Variants in TMEM40 observed in about 807,000 individuals in gnomAD.
The protein encoded by TMEM40 is transmembrane protein 40.
Under a neutral mutation model 40.8 loss-of-function variants are expected in TMEM40, and 34 were observed. The ratio of observed to expected loss-of-function variants is 0.83; its 90% CI spans 0.63 to 1.11. The LOEUF (loss-of-function observed/expected upper bound fraction) is 1.11. TMEM40 is among the 50% of genes least tolerant of loss of function. TMEM40 has a pLI of 0.00. For missense variants in TMEM40, 296 were observed against 280.2 expected, an observed-to-expected ratio of 1.06 and a Z score of -0.40; for synonymous variants, 106 against 107.0, an observed-to-expected ratio of 0.99 and a Z score of 0.06.
In TMEM40 at chr3:12,735,603, T is replaced by C; in HGVS notation, c.634A>G (p.Ser212Gly). ...IYFGLVYRIHSVLQGFIPLFQ... is the reference protein window; with the variant it reads ...IYFGLVYRIHGVLQGFIPLFQ... ...AGGGGGATGAAGCCTTGGAGGACGC[T>C]GTGGATACGGTACACTGCTCAGAAG... is the stretch of plus-strand genomic sequence containing the variant. The change falls in exon 11 of 12, where the codon AGC becomes GGC. Residue 212 changes from serine to glycine, a missense_variant. Transcript: ENST00000314124. 1 of 1,613,520 alleles carries C rather than the reference T, an allele frequency of 6.2e-7. No homozygotes were observed. Among genetic ancestry groups the C allele is most frequent in the Non-Finnish European group, 8.5e-7 (1 of 1,179,856 alleles).
intron 8 of TMEM40, among the ~76,000 whole-genome samples, chr3:12,737,041 G>A (rs1242332952): frequency 6.6e-6 from 1 of 152,048 alleles, no homozygotes; most frequent in Non-Finnish European, 1.5e-5. Context: ...ACCACACCCA[G>A]CAAATTTTTA....
At position 12,748,689 on chromosome 3, in the gene TMEM40, TGAGGAGGAA is replaced by T; in HGVS notation, c.168_176del (p.Ser68_Ser70del). On this transcript the variant is annotated inframe_deletion, in exon 3 of 12. Transcript: ENST00000314124. ...AGGAGGATGAAGAAGATGAGGAGGATGAGGAGGAAGAGGAGGAGGAGGAAGAAGACTTGT... is the reference window on the plus strand; with the variant it reads ...AGGAGGATGAAGAAGATGAGGAGGATGAGGAGGAGGAGGAAGAAGACTTGT... 6.2e-7 allele frequency: 1 copy of T among 1,612,836 alleles called. No individual in the cohort carries two copies.
intron 1 of TMEM40, among the ~76,000 whole-genome samples, chr3:12,753,148 G>A (rs1288161464): frequency 6.7e-6 from 1 of 149,386 alleles, no homozygotes; most frequent in Non-Finnish European, 1.5e-5. Context: ...TCCTTTCAAT[G>A]TCCTTGTCTA....
Position 12,734,531 on chromosome 3 carries a change from G to A in TMEM40, c.*243C>T. 1 of 530,080 alleles carries A rather than the reference G, an allele frequency of 1.9e-6. No individual in the cohort carries two copies. Among genetic ancestry groups the A allele is most frequent in the Non-Finnish European group, 3.4e-6 (1 of 293,538 alleles). The allele number at this position is 530,080 out of a possible 1,614,324, so 32.8% of individuals were successfully genotyped here. A position where few individuals can be genotyped will look rare whatever the true frequency, so the allele number is the denominator to read the frequency against. On this transcript the variant is annotated 3_prime_UTR_variant, in exon 12 of 12. Coordinates refer to ENST00000314124, the MANE Select transcript of TMEM40 (RefSeq NM_018306.4). ...TGGTCCAGGTACTGTGAAGCCTCAG[G>A]CCCCACACCCACCCTCTGCCTTCCA...
At chr3:12,749,952 AAG>A (rs1248887233) in intron 1 of TMEM40, 112 bp from the exon 2 acceptor site, 1 of 1,056,242 alleles carries the variant, frequency 9.5e-7, no homozygotes, top group Non-Finnish European at 1.4e-6. Context: ...TCAAAGGAAT[AAG>A]AAAAATAATT....
chr3:12,737,183 T>C (rs970704721), intron 8 of TMEM40, among the ~76,000 whole-genome samples: 1 of 142,992 alleles, frequency 7.0e-6, no homozygotes, highest in South Asian at 2.2e-4. Context: ...CCTGGCCTCT[T>C]TTTTTTTTTT....
upstream of TMEM40, among the ~76,000 whole-genome samples, chr3:12,763,502 C>A (rs1325364305): frequency 2.0e-5 from 3 of 152,166 alleles, no homozygotes; most frequent in African/African-American, 7.2e-5. Context: ...CTCCTACTGT[C>A]CTGTGAGCAC....
At position 12,733,639 on chromosome 3, in the gene TMEM40, T is replaced by C. The variant is rs2061316426; in HGVS notation, c.*1135A>G. The stretch of plus-strand genomic sequence containing the variant: ...GTACTTGAAATCAAAACCTCAGAAG[T>C]TACCCTTCTGAGTTTTGAGAACAGC... On this transcript the variant is annotated 3_prime_UTR_variant, in exon 12 of 12. Coordinates refer to ENST00000314124, the MANE Select transcript of TMEM40 (RefSeq NM_018306.4). 6.6e-6 allele frequency: 1 copy of C among 152,114 alleles called. No homozygotes were observed. The allele number at this position is 152,114 out of a possible 1,614,324, so 9.4% of individuals were successfully genotyped here.
intron 8 of TMEM40, 84 bp from the exon 9 acceptor site, chr3:12,736,919 C>T (rs2106605357): frequency 1.3e-6 from 2 of 1,562,474 alleles, no homozygotes; most frequent in Non-Finnish European, 1.8e-6. Context: ...TGCTCTGTCA[C>T]CCAGGGTGGA....
chr3:12,749,854 A>T lies in TMEM40; in HGVS notation c.-8-14T>A. ...CCATGGCTTTTCCTGGAGGAATAAC[A>T]ATAATCAGTAGTTAATATCACCTTA... On this transcript the variant is annotated splice_polypyrimidine_tract_variant and intron_variant, in intron 1 of 11. Transcript: ENST00000314124. 6.2e-7 allele frequency: 1 copy of T among 1,610,542 alleles called. No homozygotes were observed. The highest frequency in any genetic ancestry group is 1.3e-5 in the African/African-American group (1 of 74,892).
At chr3:12,738,481 G>A in intron 6 of TMEM40, 72 bp downstream of exon 6, 1 of 1,532,556 alleles carries the variant, frequency 6.5e-7, no homozygotes, top group Non-Finnish European at 9.0e-7. Flanking sequence ...TGGCTCTCTT[G>A]GGGGAGAGGT....
chr3:12,738,229 C>G (rs1195345162), intron 6 of TMEM40, 61 bp from the exon 7 acceptor site: 1 of 1,588,776 alleles, frequency 6.3e-7, no homozygotes, highest in Non-Finnish European at 8.6e-7. Flanking sequence ...ACAGGTGCCT[C>G]CACCCTGGGG....
At chr3:12,751,256 G>A (rs1455809478) in intron 1 of TMEM40, among the ~76,000 whole-genome samples, 1 of 135,920 alleles carries the variant, frequency 7.4e-6, no homozygotes, top group African/African-American at 3.1e-5. Context: ...CCCCCATCTC[G>A]TAGGCCCCAG....
intron 1 of TMEM40, among the ~76,000 whole-genome samples, chr3:12,767,813 G>T (rs532682314): frequency 6.6e-6 from 1 of 152,136 alleles, no homozygotes; most frequent in Non-Finnish European, 1.5e-5. Context: ...ACCTACTGGG[G>T]CTAGTTTGTG....
chr3:12,756,544 T>G (rs764929300), intron 1 of TMEM40, among the ~76,000 whole-genome samples: 4 of 152,160 alleles, frequency 2.6e-5, no homozygotes, highest in Admixed American at 6.5e-5. Flanking sequence ...CCATAAAACT[T>G]TTTTGAGGCT....
chr3:12,734,541 C>T lies in TMEM40; in HGVS notation c.*233G>A. ...ACTGTGAAGCCTCAGGCCCCACACC[C>T]ACCCTCTGCCTTCCATCCTTGCAGC... On this transcript the variant is annotated 3_prime_UTR_variant, in exon 12 of 12. Coordinates refer to ENST00000314124, the MANE Select transcript of TMEM40 (RefSeq NM_018306.4). 1 of 544,702 alleles carries T rather than the reference C, an allele frequency of 1.8e-6. No homozygotes were observed. Among genetic ancestry groups the T allele is most frequent in the Non-Finnish European group, 3.3e-6 (1 of 302,298 alleles). 33.7% of individuals were successfully genotyped at this position (544,702 alleles called of 1,614,324 possible). A position where few individuals can be genotyped will look rare whatever the true frequency, so the allele number is the denominator to read the frequency against.
rs778681912 is a variant in TMEM40, at chr3:12,749,834, G to C, written c.-2C>G. On this transcript the variant is annotated 5_prime_UTR_variant, in exon 2 of 12. Transcript: ENST00000314124. ...GGAGGAGGATGCTGAAGTCTCCATG[G>C]CTTTTCCTGGAGGAATAACAATAAT... is the stretch of plus-strand genomic sequence containing the variant. The C allele has an allele frequency of 3.7e-6, 6 of 1,613,544 alleles. No individual in the cohort carries two copies. Among genetic ancestry groups the C allele is most frequent in the Non-Finnish European group, 5.1e-6 (6 of 1,179,792 alleles).
chr3:12,754,715 C>T (rs2061505732), intron 1 of TMEM40, among the ~76,000 whole-genome samples: 1 of 152,132 alleles, frequency 6.6e-6, no homozygotes, highest in Non-Finnish European at 1.5e-5. Flanking sequence ...GTAGCAGGTA[C>T]AGAGACTACA....
At chr3:12,754,172 C>T (rs1390159362) in intron 1 of TMEM40, among the ~76,000 whole-genome samples, 3 of 152,108 alleles carry the variant, frequency 2.0e-5, no homozygotes, top group Non-Finnish European at 2.9e-5. Context: ...ATTAGCCGGG[C>T]ATGGTGGCGG....
Sources: gnomAD v4.1 joint callset for allele counts (sites outside exome capture counted in the v4.1 genomes callset) on GRCh38, gnomAD v4.1.1 for gene constraint, MANE v1.5 for transcripts, NCBI Gene and HGNC (gene_info 2026-07-23, HGNC 2026-07-21) for gene names.